Variants in PDE4D observed in about 807,000 individuals in gnomAD.
PDE4D encodes 3',5'-cyclic-AMP phosphodiesterase 4D.
PDE4D carries 24 observed loss-of-function variants against 87.4 expected under a neutral mutation model. The observed-to-expected ratio is 0.27, with a 90% CI of 0.20 to 0.39. The LOEUF is 0.39. Ranked by LOEUF, PDE4D falls within the 10% of genes least tolerant of loss-of-function variation. The pLI is 1.00. For missense variants in PDE4D, 714 were observed against 1,041.0 expected (o/e 0.69, Z 4.32); for synonymous variants, 384 against 383.2 (o/e 1.00, Z -0.02).
At position 58,975,174 on chromosome 5, in the gene PDE4D, G is replaced by T; in HGVS notation, c.2014-94C>A. On this transcript the variant is annotated intron_variant, in intron 14 of 14. Coordinates refer to ENST00000340635, the MANE Select transcript of PDE4D (RefSeq NM_001104631.2). The surrounding 1 kb of genome is among the most constrained non-coding windows in gnomAD (Gnocchi z 4.2). ...GATCATGGCCCACAAATAAAACACT[G>T]AACAGAAGACTACTAAACTTAGTTT... The T allele has an allele frequency of 1.5e-6, 1 of 688,180 alleles. No individual in the cohort carries two copies. The highest frequency in any genetic ancestry group is 2.2e-6 in the Non-Finnish European group (1 of 449,360). 42.6% of individuals were successfully genotyped at this position (688,180 alleles called of 1,614,324 possible). A position where few individuals can be genotyped will look rare whatever the true frequency, so the allele number is the denominator to read the frequency against.
chr5:59,836,642 C>CTATCTATCTATCTATCTATATATA (rs1554095477), intron 1 of PDE4D, among the ~76,000 whole-genome samples: 1 of 148,850 alleles, frequency 6.7e-6, no homozygotes, highest in African/African-American at 2.5e-5. Flanking sequence ...ATCTATCTAT[C>CTATCTATCTATCTATCTATATATA]TATCTATCTA....
chr5:60,282,819 T>A (rs1367150403), intron 1 of PDE4D, among the ~76,000 whole-genome samples: 1 of 152,238 alleles, frequency 6.6e-6, no homozygotes, highest in African/African-American at 2.4e-5. Context: ...TGTCCAGATA[T>A]CTGGGGACTT....
Position 59,335,490 on chromosome 5 carries a change from CT to C in PDE4D, c.456-119523del, listed in dbSNP as rs370034189. Among the ~76,000 whole-genome samples, 694 of 152,306 alleles carry C rather than the reference CT, an allele frequency of 4.6e-3. 4 individuals carry two copies. Among genetic ancestry groups the C allele is most frequent in the African/African-American group, 0.016 (673 of 41,564 alleles). On this transcript the variant is annotated intron_variant, in intron 1 of 14. Coordinates refer to ENST00000340635, the MANE Select transcript of PDE4D (RefSeq NM_001104631.2). The stretch of plus-strand genomic sequence containing the variant: ...CTCTAAAAATACATAGTTTTTGCCC[CT>C]ATGGGTGGTCACTGCTTAGTCACTG...
At chr5:59,181,366 C>T (rs1234774130) in intron 4 of PDE4D, among the ~76,000 whole-genome samples, 3 of 151,358 alleles carry the variant, frequency 2.0e-5, no homozygotes, top group African/African-American at 4.9e-5. Flanking sequence ...CCTACAGAGC[C>T]TAGCACAATG....
intron 1 of PDE4D, among the ~76,000 whole-genome samples, chr5:59,639,884 T>C (rs1476014728): frequency 6.6e-6 from 1 of 151,282 alleles, no homozygotes; most frequent in Non-Finnish European, 1.5e-5. Flanking sequence ...ACAGGAAGTT[T>C]CTTTGGTTGT....
chr5:60,446,368 G>A (rs1745643450), intron 1 of PDE4D, among the ~76,000 whole-genome samples: 1 of 152,010 alleles, frequency 6.6e-6, no homozygotes, highest in African/African-American at 2.4e-5. Context: ...AAATTTCATT[G>A]GCTAAGTTAA....
intron 3 of PDE4D, among the ~76,000 whole-genome samples, chr5:59,970,367 T>C (rs539474241): frequency 6.6e-6 from 1 of 152,090 alleles, no homozygotes; most frequent in Admixed American, 6.5e-5. Context: ...GGGATCTAAT[T>C]AAACTAAAGA....
intron 1 of PDE4D, among the ~76,000 whole-genome samples, chr5:59,818,512 A>G (rs949547605): frequency 5.9e-5 from 9 of 152,246 alleles, no homozygotes; most frequent in Non-Finnish European, 1.0e-4. Flanking sequence ...AAGAAATTTC[A>G]GCAATGGCAT....
At chr5:59,321,473 G>A (rs1774712629) in intron 1 of PDE4D, among the ~76,000 whole-genome samples, 1 of 152,008 alleles carries the variant, frequency 6.6e-6, no homozygotes, top group African/African-American at 2.4e-5. Flanking sequence ...TCTTAAATCT[G>A]GCATCTTGCT....
At chr5:59,372,764 C>T (rs1359736441) in intron 1 of PDE4D, among the ~76,000 whole-genome samples, 1 of 152,216 alleles carries the variant, frequency 6.6e-6, no homozygotes, top group Non-Finnish European at 1.5e-5. Flanking sequence ...AGGAGGCAGG[C>T]ACCCCCACAC....
intron 1 of PDE4D, among the ~76,000 whole-genome samples, chr5:60,254,487 T>C (rs1748831984): frequency 6.6e-6 from 1 of 151,954 alleles, no homozygotes; most frequent in Non-Finnish European, 1.5e-5. Flanking sequence ...AGAATCCATT[T>C]GCCCTGATGC....
intron 1 of PDE4D, among the ~76,000 whole-genome samples, chr5:59,598,548 G>A (rs770450941): frequency 7.2e-4 from 110 of 152,118 alleles, no homozygotes; most frequent in Non-Finnish European, 1.5e-3. Context: ...TCACTGATTA[G>A]AGGCACAGTC....
intron 1 of PDE4D, among the ~76,000 whole-genome samples, chr5:59,857,936 G>C (rs1745693002): frequency 6.8e-6 from 1 of 147,152 alleles, no homozygotes; most frequent in Non-Finnish European, 1.5e-5. Context: ...AGGGAGGAAA[G>C]CACATAGGCA....
intron 1 of PDE4D, among the ~76,000 whole-genome samples, chr5:59,431,791 C>T (rs1183550793): frequency 6.6e-6 from 1 of 152,034 alleles, no homozygotes; most frequent in Non-Finnish European, 1.5e-5. Flanking sequence ...CCACCTTCAC[C>T]CTCAAGTAGA....
chr5:59,151,157 G>A (rs1249353245), intron 5 of PDE4D, among the ~76,000 whole-genome samples: 1 of 152,138 alleles, frequency 6.6e-6, no homozygotes, highest in East Asian at 1.9e-4. Context: ...TGAGGATATT[G>A]TCATATGGTG....
intron 1 of PDE4D, among the ~76,000 whole-genome samples, chr5:60,196,817 T>C (rs1741268916): frequency 6.6e-6 from 1 of 151,544 alleles, no homozygotes; most frequent in Non-Finnish European, 1.5e-5. Context: ...TTTTGTCCCA[T>C]ATTAAAGTAA....
intron 1 of PDE4D, among the ~76,000 whole-genome samples, chr5:60,368,037 G>C (rs1401000146): frequency 1.3e-5 from 2 of 152,060 alleles, no homozygotes. Flanking sequence ...GAGATTTATT[G>C]TGATTCATTG....
At chr5:59,636,764 T>C (rs973124545) in intron 1 of PDE4D, among the ~76,000 whole-genome samples, 3 of 152,188 alleles carry the variant, frequency 2.0e-5, no homozygotes, top group African/African-American at 7.2e-5. Flanking sequence ...CAAGATGGAT[T>C]AAAGACTTAA....
At chr5:59,124,781 T>G (rs1054772684) in intron 5 of PDE4D, among the ~76,000 whole-genome samples, 2 of 152,194 alleles carry the variant, frequency 1.3e-5, no homozygotes, top group African/African-American at 4.8e-5. Context: ...CCTAAATTTA[T>G]GGCAGAGGTT....
Sources: allele counts gnomAD v4.1 joint callset (sites outside exome capture counted in the v4.1 genomes callset), GRCh38; gene constraint gnomAD v4.1.1; non-coding constraint Gnocchi (gnomAD v3.1); transcripts MANE v1.5; gene names NCBI Gene and HGNC (gene_info 2026-07-23, HGNC 2026-07-21).